Variants in IGSF10 observed in about 807,000 individuals in gnomAD.
IGSF10 encodes immunoglobulin superfamily member 10.
A neutral mutation model predicts 128.2 loss-of-function variants in IGSF10; 126 were observed. That is an observed-to-expected ratio of 0.98 (90% CI 0.85 to 1.14). IGSF10 has a LOEUF of 1.14. IGSF10 is among the 50% of genes most tolerant of loss of function. The probability of loss-of-function intolerance (pLI) is 0.00; values close to 1 mark genes in which losing one functional copy is unlikely to be tolerated. For missense variants in IGSF10, 3,295 were observed against 3,149.8 expected (o/e 1.05, Z -1.10); for synonymous variants, 1,185 against 1,146.2 (o/e 1.03, Z -0.68).
At chr3:151,493,723 TA>T in the IGSF10 span, among the ~76,000 whole-genome samples, 1 of 152,144 alleles carries the variant, frequency 6.6e-6, no homozygotes, top group Non-Finnish European at 1.5e-5. Flanking sequence ...AGAAATTGCC[TA>T]AGGACACATT....
chr3:151,569,712 A>G, the IGSF10 span, among the ~76,000 whole-genome samples: 1 of 152,148 alleles, frequency 6.6e-6, no homozygotes, highest in African/African-American at 2.4e-5. Flanking sequence ...TCAATTGATC[A>G]TGGCATTATA....
chr3:151,451,270 AC>A (rs1027762770), intron 5 of IGSF10, among the ~76,000 whole-genome samples: 61 of 151,322 alleles, frequency 4.0e-4, no homozygotes, highest in African/African-American at 1.3e-3. Flanking sequence ...CCAAGTACTT[AC>A]CAATCATCCT....
At chr3:151,473,294 C>T in the IGSF10 span, among the ~76,000 whole-genome samples, 13 of 152,316 alleles carry the variant, frequency 8.5e-5, no homozygotes, top group Non-Finnish European at 1.9e-4. Flanking sequence ...TCCACTGATG[C>T]CAATGCCTCT....
In IGSF10 at chr3:151,447,894, G is replaced by A; in HGVS notation, c.2087C>T (p.Ala696Val). ...PIAHLKEPPGAQLRTSALMEA... is the reference protein window; with the variant it reads ...PIAHLKEPPGVQLRTSALMEA... ...CATCAGAGCAGATGTACGGAGTTGT[G>A]CACCTGGTGGCTCCTTAAGATGAGC... Residue 696 changes from alanine (A) to valine (V), a missense_variant, in exon 6 of 8, where the codon GCA (alanine) becomes GTA (valine). Transcript: ENST00000282466. 4 of 1,614,038 alleles carry A rather than the reference G, an allele frequency of 2.5e-6. No individual in the cohort carries two copies. The highest frequency in any genetic ancestry group is 3.4e-6 in the Non-Finnish European group (4 of 1,179,962).
At chr3:151,535,456 G>C in the IGSF10 span, among the ~76,000 whole-genome samples, 1 of 152,130 alleles carries the variant, frequency 6.6e-6, no homozygotes, top group African/African-American at 2.4e-5. Context: ...GGGACTACTA[G>C]AAGGGGAAAA....
the IGSF10 span, among the ~76,000 whole-genome samples, chr3:151,571,403 C>T: frequency 2.0e-4 from 30 of 152,142 alleles, no homozygotes; most frequent in African/African-American, 2.9e-4. Context: ...TTTCGTTGAG[C>T]GGTGGTTTGC....
the IGSF10 span, among the ~76,000 whole-genome samples, chr3:151,535,700 GTGC>G: frequency 6.6e-6 from 1 of 152,052 alleles, no homozygotes; most frequent in African/African-American, 2.4e-5. Context: ...ATTACAAATA[GTGC>G]AAGTCAGGAA....
At position 151,445,636 on chromosome 3, in the gene IGSF10, T is replaced by C; in HGVS notation, c.4345A>G (p.Ser1449Gly). 1.2e-6 allele frequency: 2 copies of C among 1,614,232 alleles called. No individual in the cohort carries two copies. Among genetic ancestry groups the C allele is most frequent in the Non-Finnish European group, 1.7e-6 (2 of 1,180,046 alleles). The change falls in exon 6 of 8, where the codon AGT becomes GGT. Residue 1449 changes from serine to glycine, a missense_variant. Coordinates refer to ENST00000282466, the MANE Select transcript of IGSF10 (RefSeq NM_178822.5). ...ATGATTGCTTTCCTAGTTGTGGTAC[T>C]CTGGTGTGATTTGCTGGACAAAGTT... is the stretch of plus-strand genomic sequence containing the variant. Reference protein sequence around the residue: ...ETTLSSKSHQSTTTRKAIIRH... With the variant: ...ETTLSSKSHQGTTTRKAIIRH...
At chr3:151,522,503 G>A in the IGSF10 span, among the ~76,000 whole-genome samples, 4 of 152,064 alleles carry the variant, frequency 2.6e-5, no homozygotes, top group Admixed American at 2.6e-4. Flanking sequence ...CAATCAAGTA[G>A]GCTTCATCCC....
chr3:151,575,906 C>T, the IGSF10 span, among the ~76,000 whole-genome samples: 657 of 152,184 alleles, frequency 4.3e-3, 1 homozygote, highest in African/African-American at 0.015. Flanking sequence ...TGTGGACTTA[C>T]GTATAGGCAA....
At chr3:151,506,043 C>A in the IGSF10 span, among the ~76,000 whole-genome samples, 1 of 151,606 alleles carries the variant, frequency 6.6e-6, no homozygotes, top group East Asian at 1.9e-4. Context: ...CCTCTGCCAA[C>A]CAGGTTCAAG....
chr3:151,477,826 C>T, the IGSF10 span, among the ~76,000 whole-genome samples: 12 of 152,310 alleles, frequency 7.9e-5, no homozygotes, highest in African/African-American at 2.6e-4. Flanking sequence ...GCCATATGTT[C>T]TCTTTCACAA....
chr3:151,502,602 A>G, the IGSF10 span, among the ~76,000 whole-genome samples: 1 of 151,880 alleles, frequency 6.6e-6, no homozygotes, highest in African/African-American at 2.4e-5. Flanking sequence ...TAATGGCTCA[A>G]CCCTCCATTT....
chr3:151,507,027 G>A, the IGSF10 span, among the ~76,000 whole-genome samples: 1 of 152,326 alleles, frequency 6.6e-6, no homozygotes, highest in Admixed American at 6.5e-5. Context: ...TTGACTGTGA[G>A]CTTATGGCTT....
intron 4 of IGSF10, among the ~76,000 whole-genome samples, chr3:151,455,111 G>A (rs913285132): frequency 1.7e-4 from 25 of 150,686 alleles, no homozygotes; most frequent in South Asian, 6.3e-4. Flanking sequence ...TCTTTTTTGC[G>A]TTTTGTTTTT....
the IGSF10 span, among the ~76,000 whole-genome samples, chr3:151,502,207 CT>C: frequency 9.3e-4 from 141 of 151,242 alleles, 1 homozygote; most frequent in Admixed American, 3.4e-3. Context: ...CAAGTTTTAT[CT>C]TTTTTTTTCA....
chr3:151,502,538 C>T, the IGSF10 span, among the ~76,000 whole-genome samples: 2 of 152,122 alleles, frequency 1.3e-5, no homozygotes, highest in African/African-American at 2.4e-5. Flanking sequence ...TTTTTAACTA[C>T]ACTTTAGCAA....
chr3:151,616,775 A>G, the IGSF10 span, among the ~76,000 whole-genome samples: 59 of 152,250 alleles, frequency 3.9e-4, no homozygotes, highest in African/African-American at 1.3e-3. Context: ...AGAAACCTCT[A>G]CGAAATGCGT....
the IGSF10 span, among the ~76,000 whole-genome samples, chr3:151,612,361 G>A: frequency 4.8e-4 from 73 of 152,298 alleles, no homozygotes; most frequent in Non-Finnish European, 7.5e-4. Flanking sequence ...CATAAAGGAC[G>A]TCTCATTGTG....
Sources: allele counts gnomAD v4.1 joint callset (sites outside exome capture counted in the v4.1 genomes callset), GRCh38; gene constraint gnomAD v4.1.1; transcripts MANE v1.5; gene names NCBI Gene and HGNC (gene_info 2026-07-23, HGNC 2026-07-21).